The following NCF2 variants were observed in gnomAD, a reference collection of about 807,000 sequenced individuals.
NCF2 encodes the protein neutrophil cytosolic factor 2, also known as neutrophil cytosol factor 2.
In NCF2, 45 loss-of-function variants were observed where a neutral mutation model predicts 70.9. The ratio of observed to expected loss-of-function variants is 0.63; its 90% CI spans 0.50 to 0.81. NCF2 has a LOEUF of 0.81. Ranked by LOEUF, NCF2 falls within the 40% of genes least tolerant of loss-of-function variation. The probability of loss-of-function intolerance (pLI) is 0.00; values close to 1 mark genes in which losing one functional copy is unlikely to be tolerated. For synonymous variants in NCF2, 203 were observed against 233.6 expected (o/e 0.87, Z 1.19); for missense variants, 522 against 631.6 (o/e 0.83, Z 1.86).
chr1:183,597,119 T>G, the NCF2 span, among the ~76,000 whole-genome samples: 1 of 152,260 alleles, frequency 6.6e-6, no homozygotes, highest in Non-Finnish European at 1.5e-5. Flanking sequence ...GGCATGATTC[T>G]AGTCCTGCAT....
chr1:183,566,889 G>T (rs1233277678), intron 9 of NCF2, 31 bp downstream of exon 9: 1 of 1,612,760 alleles, frequency 6.2e-7, no homozygotes, highest in Non-Finnish European at 8.5e-7. Context: ...AAGGGTGAGA[G>T]GAAATGGGTC....
At chr1:183,575,726 T>C (rs1294785224) in intron 3 of NCF2, among the ~76,000 whole-genome samples, 1 of 152,180 alleles carries the variant, frequency 6.6e-6, no homozygotes, top group African/African-American at 2.4e-5. Flanking sequence ...TGCCATGTCA[T>C]GACAAGACTT....
In NCF2 at chr1:183,590,348, A is replaced by G. The variant is rs1458707481; in HGVS notation, c.-19T>C. The G allele has an allele frequency of 5.0e-5, 80 of 1,613,934 alleles. No individual in the cohort carries two copies. Among genetic ancestry groups the G allele is most frequent in the Non-Finnish European group, 6.8e-5 (80 of 1,179,962 alleles). On this transcript the variant is annotated 5_prime_UTR_variant, in exon 1 of 15. Coordinates refer to ENST00000367535, the MANE Select transcript of NCF2 (RefSeq NM_000433.4). Reference sequence around the variant, plus strand: ...GGGACATGATTAGGTAGAAACTAGGAGGCCAAGAGAGCTGCCAGGAGACAG... The same window carrying G: ...GGGACATGATTAGGTAGAAACTAGGGGGCCAAGAGAGCTGCCAGGAGACAG...
At chr1:183,595,800 A>G (rs114544371), upstream of NCF2, among the ~76,000 whole-genome samples, 427 of 152,258 alleles carry the variant, frequency 2.8e-3, no homozygotes, top group African/African-American at 9.9e-3. Context: ...CTGCTTAGGG[A>G]TGTTAATCAT....
At position 183,590,363 on chromosome 1, in the gene NCF2, C is replaced by T; in HGVS notation, c.-34G>A. 2 of 1,613,160 alleles carry T rather than the reference C, an allele frequency of 1.2e-6. No individual in the cohort carries two copies. Among genetic ancestry groups the T allele is most frequent in the Middle Eastern group, 1.7e-4 (1 of 6,060 alleles). On this transcript the variant is annotated 5_prime_UTR_variant, in exon 1 of 15. Transcript: ENST00000367535. ...AGAAACTAGGAGGCCAAGAGAGCTG[C>T]CAGGAGACAGAGAGAAGACAGGTTG...
chr1:183,599,432 T>TTCTTTCTTTCTTTCTTTC, the NCF2 span, among the ~76,000 whole-genome samples: 2 of 89,548 alleles, frequency 2.2e-5, no homozygotes, highest in African/African-American at 7.7e-5. Context: ...CCTTCTTTCT[T>TTCTTTCTTTCTTTCTTTC]TCTTTCTTTC....
intron 7 of NCF2, 41 bp downstream of exon 7, chr1:183,569,101 G>A (rs776449371): frequency 2.5e-6 from 4 of 1,589,084 alleles, no homozygotes; most frequent in South Asian, 1.1e-5. Context: ...GCTCAGGCTT[G>A]GCGCTTGGAT....
chr1:183,597,227 C>G, the NCF2 span, among the ~76,000 whole-genome samples: 78 of 152,274 alleles, frequency 5.1e-4, 1 homozygote, highest in African/African-American at 1.8e-3. Context: ...AGTCATAGAG[C>G]CAGGGATCTC....
chr1:183,563,386 G>A lies in NCF2; in HGVS notation c.1178+48C>T, dbSNP rs559131190. ...TCCTCCTCTTCCCTCCTCCAGGCCA[G>A]CACAAGGTTCCCACTGTACCCCTCA... On this transcript the variant is annotated intron_variant, in intron 12 of 14. Transcript: ENST00000367535. The A allele has an allele frequency of 2.5e-6, 4 of 1,613,978 alleles. No individual in the cohort carries two copies. The South Asian group carries it at 3.3e-5, about 13-fold the overall frequency.
intron 2 of NCF2, 47 bp downstream of exon 2, chr1:183,586,848 G>GT: frequency 1.3e-6 from 2 of 1,562,300 alleles, no homozygotes; most frequent in Admixed American, 3.3e-5. Context: ...AGACCCCTTG[G>GT]GTTTCTCTCT....
At chr1:183,567,042 G>C in intron 8 of NCF2, 54 bp from the exon 9 acceptor site, 2 of 1,611,014 alleles carry the variant, frequency 1.2e-6, no homozygotes, top group Non-Finnish European at 1.7e-6. Flanking sequence ...GTGCTCATCA[G>C]TACCCACACC....
At chr1:183,574,167 C>G (rs901201276) in intron 4 of NCF2, among the ~76,000 whole-genome samples, 1 of 152,180 alleles carries the variant, frequency 6.6e-6, no homozygotes, top group East Asian at 1.9e-4. Flanking sequence ...CAGTGGTGAT[C>G]AAGCAGACAT....
chr1:183,578,069 C>G (rs1371183965), intron 2 of NCF2, among the ~76,000 whole-genome samples: 1 of 152,202 alleles, frequency 6.6e-6, no homozygotes, highest in African/African-American at 2.4e-5. Context: ...CAGCACCTGC[C>G]CCCTGCCTGT....
At chr1:183,584,082 A>G (rs1296749490) in intron 2 of NCF2, among the ~76,000 whole-genome samples, 1 of 152,120 alleles carries the variant, frequency 6.6e-6, no homozygotes, top group Non-Finnish European at 1.5e-5. Context: ...GGAAAGAGAC[A>G]TTCCCTGGAT....
At chr1:183,581,708 G>A (rs1188349169) in intron 2 of NCF2, among the ~76,000 whole-genome samples, 10 of 150,736 alleles carry the variant, frequency 6.6e-5, no homozygotes, top group Middle Eastern at 6.9e-3. Context: ...TCGCTCTGTT[G>A]CCCTGGCTGG....
chr1:183,558,114 T>A (rs1671874235), intron 14 of NCF2, among the ~76,000 whole-genome samples: 2 of 151,380 alleles, frequency 1.3e-5, no homozygotes, highest in Non-Finnish European at 2.9e-5. Context: ...CCCCAAGTGA[T>A]CCACTCACCT....
intron 3 of NCF2, among the ~76,000 whole-genome samples, chr1:183,574,864 C>T (rs374994150): frequency 1.1e-4 from 17 of 152,106 alleles, no homozygotes; most frequent in South Asian, 4.1e-4. Flanking sequence ...CTTCCAACAA[C>T]GAAATAGGTC....
upstream of NCF2, among the ~76,000 whole-genome samples, chr1:183,592,206 A>G (rs1033214182): frequency 2.6e-5 from 4 of 152,228 alleles, no homozygotes; most frequent in African/African-American, 4.8e-5. Flanking sequence ...TTAAAAATGT[A>G]TACTCCACAG....
chr1:183,560,629 A>G (rs1024558030), intron 13 of NCF2, among the ~76,000 whole-genome samples: 30 of 152,350 alleles, frequency 2.0e-4, no homozygotes, highest in Middle Eastern at 6.8e-3. Context: ...CACAGTTCAC[A>G]ATAGGGTTCA....
Sources: gnomAD v4.1 joint callset for allele counts (sites outside exome capture counted in the v4.1 genomes callset) on GRCh38, gnomAD v4.1.1 for gene constraint, MANE v1.5 for transcripts, NCBI Gene and HGNC (gene_info 2026-07-23, HGNC 2026-07-21) for gene names.